Variants in PDE4D observed in about 807,000 individuals in gnomAD.
PDE4D encodes 3',5'-cyclic-AMP phosphodiesterase 4D.
In PDE4D, 24 loss-of-function variants were observed where a neutral mutation model predicts 87.4. That is an observed-to-expected ratio of 0.27 (90% CI 0.20 to 0.39). PDE4D has a LOEUF of 0.39. Among genes scored for constraint, PDE4D ranks in the 10% least tolerant of loss-of-function variants. PDE4D has a pLI of 1.00. For missense variants in PDE4D, 714 were observed against 1,041.0 expected, an observed-to-expected ratio of 0.69 and a Z score of 4.32; for synonymous variants, 384 against 383.2, an observed-to-expected ratio of 1.00 and a Z score of -0.02.
chr5:59,098,531 C>A (rs1330546564), intron 5 of PDE4D, among the ~76,000 whole-genome samples: 1 of 114,716 alleles, frequency 8.7e-6, no homozygotes, highest in Non-Finnish European at 1.8e-5. Flanking sequence ...GACCTCATCT[C>A]TACAAAAAAT....
intron 1 of PDE4D, among the ~76,000 whole-genome samples, chr5:60,242,489 C>T (rs894638261): frequency 6.6e-6 from 1 of 152,106 alleles, no homozygotes; most frequent in South Asian, 2.1e-4. Context: ...TAGATATTTA[C>T]AGGACATTTC....
chr5:59,123,376 C>T (rs1401740053), intron 5 of PDE4D, among the ~76,000 whole-genome samples: 2 of 151,940 alleles, frequency 1.3e-5, no homozygotes, highest in East Asian at 1.9e-4. Flanking sequence ...CTTTTTCTGC[C>T]CATTCTGGTA....
intron 1 of PDE4D, among the ~76,000 whole-genome samples, chr5:59,492,422 C>T (rs1448301140): frequency 6.6e-6 from 1 of 152,166 alleles, no homozygotes; most frequent in African/African-American, 2.4e-5. Flanking sequence ...TTACTTGTGC[C>T]AGTACAGACC....
intron 1 of PDE4D, among the ~76,000 whole-genome samples, chr5:60,411,052 T>C (rs1181064014): frequency 6.6e-6 from 1 of 152,160 alleles, no homozygotes; most frequent in African/African-American, 2.4e-5. Flanking sequence ...GAACTGACAT[T>C]TGAACATAGG....
chr5:59,206,605 G>C (rs1390926438), intron 2 of PDE4D, among the ~76,000 whole-genome samples: 1 of 152,104 alleles, frequency 6.6e-6, no homozygotes, highest in Non-Finnish European at 1.5e-5. Flanking sequence ...ATCTCCTTTT[G>C]TATCAAGAAT....
intron 3 of PDE4D, among the ~76,000 whole-genome samples, chr5:59,974,578 G>C (rs1427836719): frequency 6.6e-6 from 1 of 152,100 alleles, no homozygotes; most frequent in African/African-American, 2.4e-5. Flanking sequence ...TACTTACTGG[G>C]ACTAGGACAA....
At chr5:59,217,704 G>A (rs1227817158) in intron 1 of PDE4D, among the ~76,000 whole-genome samples, 2 of 152,236 alleles carry the variant, frequency 1.3e-5, no homozygotes, top group East Asian at 1.9e-4. Flanking sequence ...TTGAATCATC[G>A]ATTGTTCCTA....
intron 1 of PDE4D, among the ~76,000 whole-genome samples, chr5:59,666,838 C>T (rs1746152483): frequency 6.6e-6 from 1 of 152,222 alleles, no homozygotes; most frequent in Non-Finnish European, 1.5e-5. Flanking sequence ...AGGGGCATGA[C>T]AGATGCTGTC....
intron 1 of PDE4D, among the ~76,000 whole-genome samples, chr5:59,666,683 T>C (rs540909697): frequency 1.7e-4 from 26 of 152,322 alleles, no homozygotes; most frequent in Admixed American, 5.2e-4. Flanking sequence ...AATGGCAGAT[T>C]TTAAAAAGAG....
chr5:60,250,726 A>G (rs1748332249), intron 1 of PDE4D, among the ~76,000 whole-genome samples: 1 of 151,976 alleles, frequency 6.6e-6, no homozygotes, highest in Non-Finnish European at 1.5e-5. Context: ...AACAATAACA[A>G]ATAATGGTTA....
intron 1 of PDE4D, among the ~76,000 whole-genome samples, chr5:59,429,740 G>T (rs995850842): frequency 6.6e-6 from 1 of 152,156 alleles, no homozygotes; most frequent in East Asian, 1.9e-4. Flanking sequence ...CTATATCATC[G>T]CTATTCTGAT....
At chr5:59,450,048 T>G (rs776557024) in intron 1 of PDE4D, among the ~76,000 whole-genome samples, 1 of 151,896 alleles carries the variant, frequency 6.6e-6, no homozygotes, top group Non-Finnish European at 1.5e-5. Context: ...CCACTTGGGT[T>G]ATAATGCACC....
chr5:59,184,041 G>A (rs1742321121), intron 4 of PDE4D, among the ~76,000 whole-genome samples: 1 of 152,162 alleles, frequency 6.6e-6, no homozygotes, highest in African/African-American at 2.4e-5. Flanking sequence ...GCTTGTGGGT[G>A]TGTGTCTATG....
At chr5:59,937,710 C>T (rs1384452221) in intron 3 of PDE4D, among the ~76,000 whole-genome samples, 1 of 152,232 alleles carries the variant, frequency 6.6e-6, no homozygotes, top group Non-Finnish European at 1.5e-5. Flanking sequence ...TCTCTCCTCA[C>T]ACAGTTGCCT....
At chr5:59,818,902 G>A (rs1464412361) in intron 1 of PDE4D, among the ~76,000 whole-genome samples, 3 of 151,870 alleles carry the variant, frequency 2.0e-5, no homozygotes, top group Non-Finnish European at 4.4e-5. Context: ...AGAGTAGCAG[G>A]AGTGAAGGAG....
chr5:59,179,020 T>C (rs1261822884), intron 5 of PDE4D, among the ~76,000 whole-genome samples: 1 of 152,142 alleles, frequency 6.6e-6, no homozygotes, highest in Admixed American at 6.5e-5. Context: ...CAGTTTAGAC[T>C]CATTTATGTT....
intron 1 of PDE4D, among the ~76,000 whole-genome samples, chr5:60,374,084 C>T (rs1389353591): frequency 6.6e-6 from 1 of 152,190 alleles, no homozygotes; most frequent in Admixed American, 6.5e-5. Context: ...GCCCTCAACA[C>T]TGTCACCAAG....
intron 1 of PDE4D, among the ~76,000 whole-genome samples, chr5:59,388,926 G>T (rs1162315581): frequency 1.3e-5 from 2 of 151,932 alleles, no homozygotes; most frequent in African/African-American, 4.8e-5. Flanking sequence ...TGAGCATGAG[G>T]TTTTGGGGAT....
chr5:60,343,497 T>C (rs900635444), intron 1 of PDE4D, among the ~76,000 whole-genome samples: 1 of 152,226 alleles, frequency 6.6e-6, no homozygotes, highest in Non-Finnish European at 1.5e-5. Flanking sequence ...ATTAAGCACA[T>C]ATCTTCCAGG....
Sources: gnomAD v4.1 joint callset for allele counts (sites outside exome capture counted in the v4.1 genomes callset) on GRCh38, gnomAD v4.1.1 for gene constraint, MANE v1.5 for transcripts, NCBI Gene and HGNC (gene_info 2026-07-23, HGNC 2026-07-21) for gene names.